USF3: variants seen among roughly 807,000 people sequenced by gnomAD.
USF3 encodes the protein upstream transcription factor family member 3, also known as basic helix-loop-helix domain-containing protein USF3.
Under a neutral mutation model 157.5 loss-of-function variants are expected in USF3, and 29 were observed. The ratio of observed to expected loss-of-function variants is 0.18; its 90% CI spans 0.14 to 0.25. USF3 has a LOEUF of 0.25. USF3 is among the 10% of genes least tolerant of loss of function. The probability of loss-of-function intolerance (pLI) is 1.00; values close to 1 mark genes in which losing one functional copy is unlikely to be tolerated. For missense variants in USF3, 2,381 were observed against 2,667.6 expected, an observed-to-expected ratio of 0.89 and a Z score of 2.37; for synonymous variants, 893 against 941.4, an observed-to-expected ratio of 0.95 and a Z score of 0.94.
intron 1 of USF3, among the ~76,000 whole-genome samples, chr3:113,679,544 G>C (rs1160008970): frequency 1.3e-5 from 2 of 151,438 alleles, no homozygotes; most frequent in Admixed American, 1.3e-4. Context: ...CTACCTAGTA[G>C]CTAGGATTAC....
rs1263705334 is a variant in USF3 at position 113,648,902 on chromosome 3, ATATATT to A, written c.*6036_*6041del. ...AGTGAAAATATATATATATATGTATATATATTTATATAGCCTGCTGAAAGTGGAAGC... is the reference window on the plus strand; with the variant it reads ...AGTGAAAATATATATATATATGTATATATATAGCCTGCTGAAAGTGGAAGC... On this transcript the variant is annotated 3_prime_UTR_variant, in exon 7 of 7. Coordinates refer to ENST00000316407, the MANE Select transcript of USF3 (RefSeq NM_001009899.4). 6.6e-6 allele frequency: 1 copy of A among 152,110 alleles called. No homozygotes were observed. Among genetic ancestry groups the A allele is most frequent in the African/African-American group, 2.4e-5 (1 of 41,340 alleles). 9.4% of individuals were successfully genotyped at this position (152,110 alleles called of 1,614,324 possible).
In USF3 at chr3:113,651,594, CCATAT is replaced by C. The variant is rs369054766; in HGVS notation, c.*3345_*3349del. 2 of 152,208 alleles carry C rather than the reference CCATAT, an allele frequency of 1.3e-5. No homozygotes were observed. The highest frequency in any genetic ancestry group is 1.9e-4 in the East Asian group (1 of 5,200). The allele number at this position is 152,208 out of a possible 1,614,324, so 9.4% of individuals were successfully genotyped here. A position where few individuals can be genotyped will look rare whatever the true frequency, so the allele number is the denominator to read the frequency against. ...ATTATATCCAAATTAACACTACATA[CCATAT>C]AACAAATTTCTTCCCAAAAATCACG... On this transcript the variant is annotated 3_prime_UTR_variant, in exon 7 of 7. Coordinates refer to ENST00000316407, the MANE Select transcript of USF3 (RefSeq NM_001009899.4).
Position 113,649,844 on chromosome 3 carries a change from T to C in USF3, c.*5100A>G, listed in dbSNP as rs946997619. 8 of 702,754 alleles carry C rather than the reference T, an allele frequency of 1.1e-5. No homozygotes were observed. The African/African-American group carries it at 1.2e-4, about 11-fold the overall frequency. The allele number at this position is 702,754 out of a possible 1,614,324, so 43.5% of individuals were successfully genotyped here. A position where few individuals can be genotyped will look rare whatever the true frequency, so the allele number is the denominator to read the frequency against. ...GGTGTCCCCCCTCCACAGGTTCTAG[T>C]AGAAACCTACGCATGAAGAATAGAA... On this transcript the variant is annotated 3_prime_UTR_variant, in exon 7 of 7. Transcript: ENST00000316407.
intron 2 of USF3, 126 bp from the exon 3 acceptor site, chr3:113,675,022 G>A: frequency 1.5e-6 from 1 of 671,954 alleles, no homozygotes; most frequent in Non-Finnish European, 2.7e-6. Context: ...AAAAGCATTG[G>A]ATTAGGTGTT....
At chr3:113,694,103 TAA>T (rs1051090201) in intron 1 of USF3, among the ~76,000 whole-genome samples, 4 of 152,164 alleles carry the variant, frequency 2.6e-5, no homozygotes, top group African/African-American at 9.7e-5. Context: ...CATTAAAACT[TAA>T]AGACACACAA....
chr3:113,655,847 C>T lies in USF3; in HGVS notation c.5835G>A (p.Gly1945=), dbSNP rs946753880. The change falls in exon 7 of 7, where the codon GGG becomes GGA. Residue 1945 remains glycine (G), a synonymous_variant. Transcript: ENST00000316407. Reference sequence around the variant, plus strand: ...GATGTGGCAACGCTGGCCTTGCAACCCCATGCATGTTGGTTGTGACTGGAG... The same window carrying T: ...GATGTGGCAACGCTGGCCTTGCAACTCCATGCATGTTGGTTGTGACTGGAG... ...MNPPVTTNMH[G]VARPALPHPS... is the part of the protein sequence containing the mutation. The T allele has an allele frequency of 1.9e-6, 3 of 1,614,120 alleles. No homozygotes were observed. The highest frequency in any genetic ancestry group is 2.2e-5 in the South Asian group (2 of 91,078).
intron 3 of USF3, among the ~76,000 whole-genome samples, chr3:113,673,786 C>T (rs1428648791): frequency 6.6e-6 from 1 of 152,226 alleles, no homozygotes; most frequent in East Asian, 1.9e-4. Flanking sequence ...GTGCAGGAGA[C>T]ACAAGCAACA....
At chr3:113,689,738 T>C (rs1193500759) in intron 1 of USF3, among the ~76,000 whole-genome samples, 2 of 152,228 alleles carry the variant, frequency 1.3e-5, no homozygotes, top group African/African-American at 4.8e-5. Context: ...AGCTGCTTCC[T>C]TGGAGGTCAG....
chr3:113,678,596 A>C (rs1577046646), intron 1 of USF3, among the ~76,000 whole-genome samples: 1 of 152,294 alleles, frequency 6.6e-6, no homozygotes, highest in South Asian at 2.1e-4. Context: ...AAAAAAAAAG[A>C]GCATCTATTG....
chr3:113,659,903 G>A lies in USF3; in HGVS notation c.1779C>T (p.Leu593=). Reference sequence around the variant, plus strand: ...CAGAACCAGGAGGTGGAGCAGGGAGGAGTGGCAAAGGATTCTGATTAGCAG... The same window carrying A: ...CAGAACCAGGAGGTGGAGCAGGGAGAAGTGGCAAAGGATTCTGATTAGCAG... ...IQAANQNPLP[L]LPAPPPGSVR... is the part of the protein sequence containing the mutation. The change falls in exon 7 of 7, where the codon CTC becomes CTT. Residue 593 remains leucine, a synonymous_variant. Coordinates refer to ENST00000316407, the MANE Select transcript of USF3 (RefSeq NM_001009899.4). The A allele has an allele frequency of 6.2e-7, 1 of 1,614,216 alleles. No individual in the cohort carries two copies. Among genetic ancestry groups the A allele is most frequent in the Non-Finnish European group, 8.5e-7 (1 of 1,180,030 alleles).
In USF3 at chr3:113,656,493, C is replaced by T. The variant is rs567224928; in HGVS notation, c.5189G>A (p.Arg1730His). 1.5e-5 allele frequency: 24 copies of T among 1,614,164 alleles called. No homozygotes were observed. The East Asian group carries it at 2.7e-4, about 18-fold the overall frequency. The change falls in exon 7 of 7, where the codon CGC becomes CAC. Residue 1730 changes from arginine (R) to histidine (H), a missense_variant. Coordinates refer to ENST00000316407, the MANE Select transcript of USF3 (RefSeq NM_001009899.4). ...RVDHTVASDIRLSDCQTFKPS... is the reference protein window; with the variant it reads ...RVDHTVASDIHLSDCQTFKPS... Reference sequence around the variant, plus strand: ...TTTAAACGTCTGACAATCAGAAAGGCGGATATCTGAGGCCACAGTATGGTC... The same window carrying T: ...TTTAAACGTCTGACAATCAGAAAGGTGGATATCTGAGGCCACAGTATGGTC...
chr3:113,686,555 C>T (rs1259000346), intron 1 of USF3, among the ~76,000 whole-genome samples: 3 of 152,190 alleles, frequency 2.0e-5, no homozygotes, highest in Non-Finnish European at 4.4e-5. Flanking sequence ...TCCCAACATG[C>T]CAGTATTACA....
At chr3:113,672,451 G>A (rs1707180406) in intron 4 of USF3, among the ~76,000 whole-genome samples, 1 of 151,950 alleles carries the variant, frequency 6.6e-6, no homozygotes, top group African/African-American at 2.4e-5. Flanking sequence ...ATGGCACCAT[G>A]TGACAGCTGA....
chr3:113,665,951 G>C (rs897182017), intron 5 of USF3, among the ~76,000 whole-genome samples: 3 of 152,146 alleles, frequency 2.0e-5, no homozygotes, highest in Admixed American at 6.5e-5. Context: ...TTGGGAAGCC[G>C]AGGTGGGCAG....
At chr3:113,689,373 T>C (rs1379034523) in intron 1 of USF3, among the ~76,000 whole-genome samples, 3 of 152,218 alleles carry the variant, frequency 2.0e-5, no homozygotes, top group African/African-American at 7.2e-5. Context: ...ATTTCCCCCT[T>C]AATTTACTGA....
chr3:113,676,538 T>A (rs1170016657), intron 2 of USF3, among the ~76,000 whole-genome samples: 2 of 152,150 alleles, frequency 1.3e-5, no homozygotes, highest in African/African-American at 4.8e-5. Flanking sequence ...ACGGCCCCCA[T>A]GATTCAATTA....
At chr3:113,688,262 G>A (rs1029122473) in intron 1 of USF3, among the ~76,000 whole-genome samples, 1 of 152,154 alleles carries the variant, frequency 6.6e-6, no homozygotes, top group Non-Finnish European at 1.5e-5. Flanking sequence ...GGGATTACAG[G>A]CACTCGCCAC....
At chr3:113,669,721 T>C (rs1289108793) in intron 5 of USF3, among the ~76,000 whole-genome samples, 4 of 152,120 alleles carry the variant, frequency 2.6e-5, no homozygotes, top group Admixed American at 6.5e-5. Flanking sequence ...TTTTAAGTAC[T>C]ACTGGGGGTT....
Position 113,656,456 on chromosome 3 carries a change from A to T in USF3, c.5226T>A (p.Ala1742=). The T allele has an allele frequency of 3.1e-6, 5 of 1,614,194 alleles. No individual in the cohort carries two copies. The highest frequency in any genetic ancestry group is 4.2e-6 in the Non-Finnish European group (5 of 1,180,040). The stretch of plus-strand genomic sequence containing the variant: ...CAAAATTACTCTGGGGCTGTTGACT[A>T]GCTCCACTTGGTTTAAACGTCTGAC... ...SDCQTFKPSG[A]SQQPQSNFEV... is the part of the protein sequence containing the mutation. The change falls in exon 7 of 7, where the codon GCT becomes GCA. Residue 1742 remains alanine (A), a synonymous_variant. Coordinates refer to ENST00000316407, the MANE Select transcript of USF3 (RefSeq NM_001009899.4).
Sources: allele counts gnomAD v4.1 joint callset (sites outside exome capture counted in the v4.1 genomes callset), GRCh38; gene constraint gnomAD v4.1.1; transcripts MANE v1.5; gene names NCBI Gene and HGNC (gene_info 2026-07-23, HGNC 2026-07-21).